Variants in CNTN1 observed in about 807,000 individuals in gnomAD.
CNTN1 encodes the protein contactin-1.
Under a neutral mutation model 126.4 loss-of-function variants are expected in CNTN1, and 38 were observed. The ratio of observed to expected loss-of-function variants is 0.30; its 90% CI spans 0.23 to 0.39. The LOEUF is 0.39. Among genes scored for constraint, CNTN1 ranks in the 10% least tolerant of loss-of-function variants. CNTN1 has a pLI of 1.00. For missense variants in CNTN1, 1,009 were observed against 1,248.4 expected (o/e 0.81, Z 2.89); for synonymous variants, 413 against 422.6 (o/e 0.98, Z 0.28).
At chr12:40,980,844 A>T in intron 15 of CNTN1, 65 bp from the exon 16 acceptor site, 1 of 1,425,732 alleles carries the variant, frequency 7.0e-7, no homozygotes, top group Non-Finnish European at 9.9e-7. Flanking sequence ...ACATTTTTAT[A>T]TTCTAATGTG....
intron 1 of CNTN1, among the ~76,000 whole-genome samples, chr12:40,718,454 C>A (rs182910346): frequency 6.6e-6 from 1 of 152,174 alleles, no homozygotes. Context: ...GCTGGGATTA[C>A]AGGCGTGAGC....
At chr12:41,017,873 C>A (rs1280167412) in intron 19 of CNTN1, among the ~76,000 whole-genome samples, 1 of 152,064 alleles carries the variant, frequency 6.6e-6, no homozygotes, top group Non-Finnish European at 1.5e-5. Context: ...AGGTGGATCA[C>A]CTGAGGTTGG....
intron 23 of CNTN1, among the ~76,000 whole-genome samples, chr12:41,042,338 G>A (rs1482823979): frequency 6.6e-6 from 1 of 151,784 alleles, no homozygotes; most frequent in Non-Finnish European, 1.5e-5. Flanking sequence ...ACTTCCAACT[G>A]TGTGGTCAAT....
At chr12:40,968,368 G>T (rs1280345651) in intron 15 of CNTN1, among the ~76,000 whole-genome samples, 2 of 151,884 alleles carry the variant, frequency 1.3e-5, no homozygotes, top group Non-Finnish European at 2.9e-5. Flanking sequence ...ATTTATGGCT[G>T]GCCTATTACA....
At chr12:40,927,319 G>A (rs1174727988) in intron 6 of CNTN1, among the ~76,000 whole-genome samples, 1 of 152,096 alleles carries the variant, frequency 6.6e-6, no homozygotes, top group African/African-American at 2.4e-5. Flanking sequence ...AAGATGGTCT[G>A]TTGAGTCCTT....
chr12:41,005,959 G>A (rs1473375947), intron 17 of CNTN1, among the ~76,000 whole-genome samples: 1 of 152,162 alleles, frequency 6.6e-6, no homozygotes, highest in Non-Finnish European at 1.5e-5. Context: ...ACCTTTGCTG[G>A]AGAGGTGATT....
chr12:41,058,474 T>C (rs924926739), intron 23 of CNTN1, among the ~76,000 whole-genome samples: 1 of 152,162 alleles, frequency 6.6e-6, no homozygotes, highest in African/African-American at 2.4e-5. Context: ...ATTTGTTCAA[T>C]GTAAACAAAA....
At chr12:41,051,994 A>G (rs1237638740) in intron 23 of CNTN1, among the ~76,000 whole-genome samples, 1 of 151,448 alleles carries the variant, frequency 6.6e-6, no homozygotes, top group Non-Finnish European at 1.5e-5. Context: ...GATATTACTT[A>G]TTGGAATGTA....
intron 23 of CNTN1, among the ~76,000 whole-genome samples, chr12:41,060,927 T>C (rs993688446): frequency 6.6e-6 from 1 of 152,194 alleles, no homozygotes; most frequent in African/African-American, 2.4e-5. Context: ...ATATTGCAAA[T>C]TCACAATTCA....
chr12:40,966,955 C>T (rs999793110), intron 15 of CNTN1, among the ~76,000 whole-genome samples: 5 of 152,012 alleles, frequency 3.3e-5, no homozygotes, highest in Admixed American at 6.6e-5. Context: ...TAATTACTCC[C>T]GGGTCTCTTA....
rs189287605 is a variant in CNTN1 at position 40,765,146 on chromosome 12, A to C, written c.-77+72554A>C. Among the ~76,000 whole-genome samples, 254 of 152,076 alleles carry C rather than the reference A, an allele frequency of 1.7e-3. 1 individual carries two copies. Among genetic ancestry groups the C allele is most frequent in the African/African-American group, 5.8e-3 (239 of 41,520 alleles). ...GAGGATATTGTTGACAAGATTGATAATGGATATATATGCAGAATATGGTAA... is the reference window on the plus strand; with the variant it reads ...GAGGATATTGTTGACAAGATTGATACTGGATATATATGCAGAATATGGTAA... On this transcript the variant is annotated intron_variant, in intron 1 of 23. Transcript: ENST00000551295.
At chr12:40,951,289 T>C (rs1592310352) in intron 14 of CNTN1, among the ~76,000 whole-genome samples, 1 of 152,300 alleles carries the variant, frequency 6.6e-6, no homozygotes, top group African/African-American at 2.4e-5. Context: ...TTAGAGATTT[T>C]CAACACGTCT....
At chr12:41,006,297 G>A (rs1231408690) in intron 17 of CNTN1, among the ~76,000 whole-genome samples, 11 of 152,280 alleles carry the variant, frequency 7.2e-5, no homozygotes, top group African/African-American at 1.7e-4. Context: ...TGGAAGGGAG[G>A]GCTAAGGTGT....
rs57273919 is a variant in CNTN1 at position 40,737,359 on chromosome 12, GTATA to G, written c.-77+44787_-77+44790del. ...TGTGTGTGTGTATATATGTGTGTGT[GTATA>G]TATATATATATATATATATGAGTTT... On this transcript the variant is annotated intron_variant, in intron 1 of 23. Coordinates refer to ENST00000551295, the MANE Select transcript of CNTN1 (RefSeq NM_001843.4). Among the ~76,000 whole-genome samples, 236 of 113,270 alleles carry G rather than the reference GTATA, an allele frequency of 2.1e-3. 3 individuals carry two copies. In the East Asian group the frequency reaches 0.024, roughly 12 times the overall value. The allele number at this position is 113,270 out of a possible 152,430, so 74.3% of individuals were successfully genotyped here.
At chr12:40,924,898 A>ATATATATATATATATATATATATATATG (rs60947154) in intron 6 of CNTN1, among the ~76,000 whole-genome samples, 1 of 146,182 alleles carries the variant, frequency 6.8e-6, no homozygotes, top group Non-Finnish European at 1.5e-5. Context: ...ATATATATAT[A>ATATATATATATATATATATATATATATG]GTATTATGTC....
chr12:40,947,782 TACACACAC>T (rs56852774), intron 14 of CNTN1, among the ~76,000 whole-genome samples: 3,887 of 118,790 alleles, frequency 0.033, 153 homozygotes, highest in African/African-American at 0.066. Flanking sequence ...TATATATATA[TACACACAC>T]ACACACACAC....
chr12:40,745,429 G>A (rs1396201024), intron 1 of CNTN1, among the ~76,000 whole-genome samples: 2 of 152,056 alleles, frequency 1.3e-5, no homozygotes, highest in East Asian at 3.9e-4. Context: ...TAACTGGAAG[G>A]GGGCCAGGTT....
intron 1 of CNTN1, among the ~76,000 whole-genome samples, chr12:40,741,841 T>C (rs916728697): frequency 9.2e-5 from 14 of 152,042 alleles, no homozygotes; most frequent in Non-Finnish European, 1.2e-4. Context: ...TAATGGAAAA[T>C]TTTTGAAAAT....
rs529976041 is a variant in CNTN1 at position 40,741,496 on chromosome 12, A to G, written c.-77+48904A>G. ...GTGATAAACTAAAACAATGGGTTTA[A>G]TTAGAAATAATCTGATCATTTAACT... is the stretch of plus-strand genomic sequence containing the variant. On this transcript the variant is annotated intron_variant, in intron 1 of 23. Coordinates refer to ENST00000551295, the MANE Select transcript of CNTN1 (RefSeq NM_001843.4). 2.6e-5 allele frequency among the ~76,000 whole-genome samples: 4 copies of G among 152,236 alleles called. No individual in the cohort carries two copies. The South Asian group carries it at 8.3e-4, about 32-fold the overall frequency.
Sources: gnomAD v4.1 joint callset for allele counts (sites outside exome capture counted in the v4.1 genomes callset) on GRCh38, gnomAD v4.1.1 for gene constraint, MANE v1.5 for transcripts, NCBI Gene and HGNC (gene_info 2026-07-23, HGNC 2026-07-21) for gene names.